The following CDC14A variants were observed in gnomAD, a reference collection of about 807,000 sequenced individuals.
The protein encoded by CDC14A is cell division cycle 14A, also known as dual specificity protein phosphatase CDC14A.
A neutral mutation model predicts 74.4 loss-of-function variants in CDC14A; 53 were observed. The ratio of observed to expected loss-of-function variants is 0.71; its 90% confidence interval spans 0.57 to 0.89. The LOEUF (loss-of-function observed/expected upper bound fraction) is 0.89. Among genes scored for constraint, CDC14A ranks in the 40% least tolerant of loss-of-function variants. The pLI, the probability that CDC14A is intolerant of heterozygous loss-of-function variation, is 0.00. For missense variants in CDC14A, 646 were observed against 713.7 expected (o/e 0.91, Z 1.08); for synonymous variants, 247 against 258.4 (o/e 0.96, Z 0.43).
At chr1:100,379,521 A>C (rs556508848) in intron 3 of CDC14A, among the ~76,000 whole-genome samples, 3 of 152,212 alleles carry the variant, frequency 2.0e-5, no homozygotes, top group Non-Finnish European at 4.4e-5. Flanking sequence ...TTAGGAGAAA[A>C]AGATTTACTG....
intron 15 of CDC14A, among the ~76,000 whole-genome samples, chr1:100,517,461 T>C (rs17122695): frequency 0.031 from 4,686 of 152,292 alleles, 256 homozygotes; most frequent in African/African-American, 0.11. Flanking sequence ...TTATGTTCCT[T>C]TTTCTAATCA....
intron 11 of CDC14A, among the ~76,000 whole-genome samples, chr1:100,492,799 C>G (rs1670837786): frequency 6.6e-6 from 1 of 151,828 alleles, no homozygotes; most frequent in Non-Finnish European, 1.5e-5. Context: ...TTCCTGAAGA[C>G]ATTTCTCCCT....
chr1:100,384,534 A>G (rs896744730), intron 3 of CDC14A, among the ~76,000 whole-genome samples: 1 of 152,220 alleles, frequency 6.6e-6, no homozygotes, highest in African/African-American at 2.4e-5. Flanking sequence ...CTTTGAGGTT[A>G]GAGAGTGGGT....
chr1:100,430,298 G>A (rs996079562), intron 5 of CDC14A, among the ~76,000 whole-genome samples: 7 of 152,092 alleles, frequency 4.6e-5, no homozygotes, highest in African/African-American at 1.7e-4. Flanking sequence ...GCTGTTGTGA[G>A]GCCAGACAAT....
chr1:100,403,952 G>A (rs1236010693), intron 4 of CDC14A, among the ~76,000 whole-genome samples: 27 of 152,050 alleles, frequency 1.8e-4, no homozygotes, highest in Admixed American at 1.8e-3. Flanking sequence ...AGGTTTATAA[G>A]GGTTTTCTTG....
At chr1:100,457,231 A>G (rs1258594567) in intron 8 of CDC14A, among the ~76,000 whole-genome samples, 1 of 152,236 alleles carries the variant, frequency 6.6e-6, no homozygotes, top group Non-Finnish European at 1.5e-5. Flanking sequence ...GTTTTTATGT[A>G]TATAGACATT....
chr1:100,372,070 T>C (rs1654550659), intron 2 of CDC14A, among the ~76,000 whole-genome samples: 1 of 152,250 alleles, frequency 6.6e-6, no homozygotes, highest in Non-Finnish European at 1.5e-5. Flanking sequence ...GTTTATACTA[T>C]ACTGTGGTCT....
chr1:100,519,462 A>C lies in CDC14A; in HGVS notation c.*1182A>C, dbSNP rs1348360619. On this transcript the variant is annotated 3_prime_UTR_variant, in exon 16 of 16. Coordinates refer to ENST00000336454, the MANE Select transcript of CDC14A (RefSeq NM_003672.4). ...TCTATGAGGAATCGAGGAGCGTTACATCCTGATATCCTTCCAGGCTGCTTA... is the reference window on the plus strand; with the variant it reads ...TCTATGAGGAATCGAGGAGCGTTACCTCCTGATATCCTTCCAGGCTGCTTA... 6.6e-6 allele frequency: 1 copy of C among 152,128 alleles called. No homozygotes were observed. The highest frequency in any genetic ancestry group is 2.4e-5 in the African/African-American group (1 of 41,452). The allele number at this position is 152,128 out of a possible 1,614,324, so 9.4% of individuals were successfully genotyped here.
chr1:100,416,183 G>T (rs760746055), intron 4 of CDC14A, among the ~76,000 whole-genome samples: 30 of 152,126 alleles, frequency 2.0e-4, no homozygotes, highest in Non-Finnish European at 2.6e-4. Flanking sequence ...TTCTATGCTG[G>T]ACTTCTTTTC....
At chr1:100,502,661 T>G (rs990390300) in intron 15 of CDC14A, among the ~76,000 whole-genome samples, 3 of 152,264 alleles carry the variant, frequency 2.0e-5, no homozygotes, top group Admixed American at 1.3e-4. Context: ...GCCAGTAGCA[T>G]TGGTAGCTTG....
chr1:100,412,728 T>TATATATATATATAAA (rs1557732405), intron 4 of CDC14A, among the ~76,000 whole-genome samples: 49 of 98,170 alleles, frequency 5.0e-4, no homozygotes, highest in Non-Finnish European at 8.0e-4. Context: ...ATATATTTTA[T>TATATATATATATAAA]ATATATATAT....
In CDC14A at chr1:100,412,728, T is replaced by TAAA. The variant is rs1214979698; in HGVS notation, c.310-11493_310-11492insAAA. Among the ~76,000 whole-genome samples, 121 of 98,194 alleles carry TAAA rather than the reference T, an allele frequency of 1.2e-3. 2 individuals carry two copies. The highest frequency in any genetic ancestry group is 2.4e-3 in the African/African-American group (46 of 19,110). 64.4% of individuals were successfully genotyped at this position (98,194 alleles called of 152,430 possible). A position where few individuals can be genotyped will look rare whatever the true frequency, so the allele number is the denominator to read the frequency against. On this transcript the variant is annotated intron_variant, in intron 4 of 15. Coordinates refer to ENST00000336454, the MANE Select transcript of CDC14A (RefSeq NM_003672.4). Reference sequence around the variant, plus strand: ...TATATATATATATATATATATTTTATATATATATATTTTATATATATATAT... The same window carrying TAAA: ...TATATATATATATATATATATTTTATAAAATATATATATTTTATATATATATAT...
Position 100,458,155 on chromosome 1 carries a change from A to G in CDC14A, c.607+2663A>G, listed in dbSNP as rs577578369. 3.3e-5 allele frequency among the ~76,000 whole-genome samples: 5 copies of G among 152,262 alleles called. No individual in the cohort carries two copies. In the South Asian group the frequency reaches 8.3e-4, roughly 25 times the overall value. Reference sequence around the variant, plus strand: ...CTCTGGAGCAGGTGGTATTTATTTTATAGAAGAGAAGCTGGAGGCTTACAG... The same window carrying G: ...CTCTGGAGCAGGTGGTATTTATTTTGTAGAAGAGAAGCTGGAGGCTTACAG... On this transcript the variant is annotated intron_variant, in intron 8 of 15. Coordinates refer to ENST00000336454, the MANE Select transcript of CDC14A (RefSeq NM_003672.4).
intron 4 of CDC14A, among the ~76,000 whole-genome samples, chr1:100,413,989 T>G (rs1234481604): frequency 2.0e-5 from 3 of 152,336 alleles, no homozygotes; most frequent in East Asian, 1.9e-4. Context: ...GATAATTAAC[T>G]TAAGAAACTA....
Position 100,519,573 on chromosome 1 carries a change from G to A in CDC14A, c.*1293G>A, listed in dbSNP as rs1650524468. On this transcript the variant is annotated 3_prime_UTR_variant, in exon 16 of 16. Transcript: ENST00000336454. ...TCCCAACCATTGAGTTATTTATAAT[G>A]TATTTATTAGGGGAGGGTACCTTGA... The A allele has an allele frequency of 6.6e-6, 1 of 152,450 alleles. No individual in the cohort carries two copies. The highest frequency in any genetic ancestry group is 2.4e-5 in the African/African-American group (1 of 41,406). The allele number at this position is 152,450 out of a possible 1,614,324, so 9.4% of individuals were successfully genotyped here.
In CDC14A at chr1:100,518,349, G is replaced by A; in HGVS notation, c.*69G>A. On this transcript the variant is annotated 3_prime_UTR_variant, in exon 16 of 16. Coordinates refer to ENST00000336454, the MANE Select transcript of CDC14A (RefSeq NM_003672.4). ...TTTCTTCATCTGGACGAGCAGTGGA[G>A]AGGGAAAGCAACTTCTTGCTGGAAG... is the stretch of plus-strand genomic sequence containing the variant. The A allele has an allele frequency of 2.3e-6, 3 of 1,283,602 alleles. No homozygotes were observed. In the South Asian group the frequency reaches 3.6e-5, roughly 15 times the overall value. The allele number at this position is 1,283,602 out of a possible 1,614,324, so 79.5% of individuals were successfully genotyped here.
At chr1:100,457,258 C>T (rs1666793560) in intron 8 of CDC14A, among the ~76,000 whole-genome samples, 1 of 152,118 alleles carries the variant, frequency 6.6e-6, no homozygotes, top group Non-Finnish European at 1.5e-5. Flanking sequence ...TCTATGGATA[C>T]ATGCATTTTG....
At chr1:100,374,255 G>T (rs1054149436) in intron 2 of CDC14A, among the ~76,000 whole-genome samples, 5 of 152,022 alleles carry the variant, frequency 3.3e-5, no homozygotes, top group Non-Finnish European at 7.4e-5. Flanking sequence ...GAATAGAGCC[G>T]CAATAAACGT....
At chr1:100,439,039 G>T (rs1178661828) in intron 5 of CDC14A, among the ~76,000 whole-genome samples, 1 of 152,146 alleles carries the variant, frequency 6.6e-6, no homozygotes, top group African/African-American at 2.4e-5. Flanking sequence ...TTAAAGCTCT[G>T]GTGCCAGTTC....
Sources: gnomAD v4.1 joint callset for allele counts (sites outside exome capture counted in the v4.1 genomes callset) on GRCh38, gnomAD v4.1.1 for gene constraint, MANE v1.5 for transcripts, NCBI Gene and HGNC (gene_info 2026-07-23, HGNC 2026-07-21) for gene names.